The following GREP1 variants were observed in gnomAD, a reference collection of about 807,000 sequenced individuals.
GREP1 encodes the protein glycine rich extracellular protein 1.
In GREP1 at chr16:2,996,974, G is replaced by T; in HGVS notation, c.775G>T (p.Gly259Ter). The T allele has an allele frequency of 2.5e-6, 1 of 399,330 alleles. No individual in the cohort carries two copies. Among genetic ancestry groups the T allele is most frequent in the Non-Finnish European group, 4.4e-6 (1 of 226,290 alleles). The allele number at this position is 399,330 out of a possible 1,614,324, so 24.7% of individuals were successfully genotyped here. Residue 259 changes from glycine to a stop codon, truncating the protein, a stop_gained, in exon 21 of 35, where the codon GGA becomes TGA. Coordinates refer to ENST00000573315, the Ensembl canonical transcript of GREP1. LOFTEE classifies it high-confidence loss of function. ...GGGAGCTCCAAACGGCTATGGACCA[G>T]GAAGGGGCAGGGCTGGGGTTCCAGG...
intron 25 of GREP1, 34 bp downstream of exon 23, chr16:2,998,557 G>T (rs2072440100): frequency 2.5e-6 from 1 of 399,178 alleles, no homozygotes. Flanking sequence ...GGGGGCCCAG[G>T]AGGAAGGGAG....
Position 2,989,793 on chromosome 16 carries a change from G to A in GREP1, c.131-181G>A, listed in dbSNP as rs897056288. 6.6e-6 allele frequency among the ~76,000 whole-genome samples: 1 copy of A among 152,028 alleles called. No homozygotes were observed. Among genetic ancestry groups the A allele is most frequent in the Non-Finnish European group, 1.5e-5 (1 of 67,962 alleles). On this transcript the variant is annotated intron_variant, in intron 3 of 34. Coordinates refer to ENST00000573315, the Ensembl canonical transcript of GREP1. This position sits in a 1 kb window ranked among gnomAD's most constrained non-coding sequence, Gnocchi z 4.2. ...AGAAAGGAAAGAGAGCAGAAAGGAAGGAGAGAGGGAAGGAGGGAGGGAAGG... is the reference window on the plus strand; with the variant it reads ...AGAAAGGAAAGAGAGCAGAAAGGAAAGAGAGAGGGAAGGAGGGAGGGAAGG...
Position 2,994,979 on chromosome 16 carries a change from C to G in GREP1, c.484+17C>G, listed in dbSNP as rs1259076475. ...CCCAGCCAGGTGAAGGGGGTACAGTCTGGGGTTCCAGGGTCTGCATCTGGG... is the reference window on the plus strand; with the variant it reads ...CCCAGCCAGGTGAAGGGGGTACAGTGTGGGGTTCCAGGGTCTGCATCTGGG... On this transcript the variant is annotated intron_variant, in intron 13 of 34. Coordinates refer to ENST00000573315, the Ensembl canonical transcript of GREP1. The G allele has an allele frequency of 7.5e-6, 3 of 399,160 alleles. No homozygotes were observed. Among genetic ancestry groups the G allele is most frequent in the Non-Finnish European group, 1.3e-5 (3 of 226,286 alleles). 24.7% of individuals were successfully genotyped at this position (399,160 alleles called of 1,614,324 possible).
At chr16:3,000,293 T>A (rs1011843944) in exon 30 of GREP1, 17 of 399,080 alleles carry the variant, frequency 4.3e-5, no homozygotes, top group Middle Eastern at 6.2e-4. Context: ...GTCCTGCAGG[T>A]TTAGGTTATG....
At chr16:2,994,495 G>C in intron 10 of GREP1, 1 of 383,354 alleles carries the variant, frequency 2.6e-6, no homozygotes, top group Non-Finnish European at 4.6e-6. Flanking sequence ...GGCAACAAGA[G>C]CGAGACTCCA....
chr16:2,991,463 AG>A lies in GREP1; in HGVS notation c.322+365del. ...GTGAGGGTGGCTGGGCAGGGGCCGC[AG>A]GGAGGGGCGGGCAGGAGGGTTTAGG... On this transcript the variant is annotated intron_variant, in intron 8 of 34. Transcript: ENST00000573315. The surrounding 1 kb of genome is among the most constrained non-coding windows in gnomAD (Gnocchi z 4.9). 1 of 207,892 alleles carries A rather than the reference AG, an allele frequency of 4.8e-6. No individual in the cohort carries two copies. The allele number at this position is 207,892 out of a possible 1,614,324, so 12.9% of individuals were successfully genotyped here. A position where few individuals can be genotyped will look rare whatever the true frequency, so the allele number is the denominator to read the frequency against.
Position 2,990,980 on chromosome 16 carries a change from C to CCTGT in GREP1, c.269-66_269-65insGTCT, listed in dbSNP as rs2072396219. The CCTGT allele has an allele frequency of 7.5e-6, 3 of 399,226 alleles. No individual in the cohort carries two copies. In the East Asian group the frequency reaches 1.1e-4, roughly 14 times the overall value. 24.7% of individuals were successfully genotyped at this position (399,226 alleles called of 1,614,324 possible). ...ACCTGTCCCAGTGTCCACTTCCCAC[C>CCTGT]CTCTGTCTCTGTCTCTGCTTGACGC... On this transcript the variant is annotated intron_variant, in intron 7 of 34. Transcript: ENST00000573315.
rs530106967 is a variant in GREP1 at position 2,992,501 on chromosome 16, G to T, written c.323-304G>T. The T allele has an allele frequency of 1.2e-5, 3 of 243,950 alleles. No homozygotes were observed. The highest frequency in any genetic ancestry group is 6.7e-5 in the African/African-American group (3 of 44,922). The allele number at this position is 243,950 out of a possible 1,614,324, so 15.1% of individuals were successfully genotyped here. A position where few individuals can be genotyped will look rare whatever the true frequency, so the allele number is the denominator to read the frequency against. On this transcript the variant is annotated intron_variant, in intron 8 of 34. Transcript: ENST00000573315. This position sits in a 1 kb window ranked among gnomAD's most constrained non-coding sequence, Gnocchi z 4.9. ...TCAGGGGCCCAGGGCCACACTCTGG[G>T]TCCCAACAGATGGGCTCTTGGGGGT... is the stretch of plus-strand genomic sequence containing the variant.
chr16:2,998,115 GA>G (rs1403485782), intron 23 of GREP1, among the ~76,000 whole-genome samples: 2 of 152,000 alleles, frequency 1.3e-5, no homozygotes, highest in African/African-American at 2.4e-5. Flanking sequence ...TGGCCTGGGA[GA>G]GAGCCAGAAA....
At chr16:2,993,804 A>C (rs966146828) in intron 10 of GREP1, 2 of 152,174 alleles carry the variant, frequency 1.3e-5, no homozygotes, top group Non-Finnish European at 2.9e-5. Flanking sequence ...CTGAAAATAC[A>C]AAAAAATCAG....
At chr16:2,994,771 C>T (rs1484173993) in intron 11 of GREP1, 35 bp from the exon 13 acceptor site, 17 of 399,052 alleles carry the variant, frequency 4.3e-5, no homozygotes, top group Non-Finnish European at 7.1e-5. Flanking sequence ...AGCTGGGGCC[C>T]CAGGTTCCTC....
At chr16:3,001,502 A>AGGGG (rs1219318010) in intron 34 of GREP1, 59 bp from the exon 29 acceptor site, 1 of 398,874 alleles carries the variant, frequency 2.5e-6, no homozygotes, top group East Asian at 3.6e-5. Flanking sequence ...GGAGGGGAGG[A>AGGGG]GGGGGCAAGG....
intron 23 of GREP1, among the ~76,000 whole-genome samples, 176 bp from the exon 22 acceptor site, chr16:2,998,180 C>G (rs932722248): frequency 6.6e-6 from 1 of 152,062 alleles, no homozygotes; most frequent in Non-Finnish European, 1.5e-5. Flanking sequence ...CAAGGTCCCC[C>G]ACTCCAACCC....
chr16:3,001,611 C>A, exon 35 of GREP1: 1 of 399,212 alleles, frequency 2.5e-6, no homozygotes, highest in Middle Eastern at 6.3e-4. Context: ...CTCGCCTGCC[C>A]AGCAAGGAAG....
chr16:3,001,630 T>C (rs1193647678), exon 35 of GREP1: 3 of 399,084 alleles, frequency 7.5e-6, no homozygotes, highest in South Asian at 1.3e-4. Flanking sequence ...AGACAGACCC[T>C]TGGGCTTGGC....
chr16:2,996,728 T>C (rs966936628), intron 20 of GREP1, 23 bp downstream of exon 19: 2 of 398,620 alleles, frequency 5.0e-6, no homozygotes, highest in East Asian at 7.1e-5. Flanking sequence ...CCTGTGTCTG[T>C]GGCCCCACCT....
chr16:2,995,177 C>G, intron 13 of GREP1, 107 bp from the exon 15 acceptor site: 1 of 324,594 alleles, frequency 3.1e-6, no homozygotes, highest in Non-Finnish European at 5.0e-6. Context: ...GGCCCTGGAG[C>G]AGGTCCTGAG....
exon 35 of GREP1, chr16:3,001,945 T>A (rs1231386579): frequency 7.6e-5 from 22 of 291,086 alleles, no homozygotes; most frequent in Admixed American, 4.7e-4. Context: ...GCCTTGTGCA[T>A]GGAAAAGAAC....
rs1440223476 is a variant in GREP1 at position 3,000,386 on chromosome 16, G to A, written c.1327+32G>A. ...GGGGAGCAGGGGTCGGGGTGGGAGA[G>A]TTGGGCTCAGGGCCCCAGCCCAGCC... On this transcript the variant is annotated intron_variant, in intron 30 of 34. Coordinates refer to ENST00000573315, the Ensembl canonical transcript of GREP1. 4 of 399,094 alleles carry A rather than the reference G, an allele frequency of 1.0e-5. No homozygotes were observed. The Admixed American group carries it at 1.8e-4, about 18-fold the overall frequency. The allele number at this position is 399,094 out of a possible 1,614,324, so 24.7% of individuals were successfully genotyped here.
Sources: allele counts gnomAD v4.1 joint callset (sites outside exome capture counted in the v4.1 genomes callset), GRCh38; gene constraint gnomAD v4.1.1; non-coding constraint Gnocchi (gnomAD v3.1); transcripts MANE v1.5; gene names NCBI Gene and HGNC (gene_info 2026-07-23, HGNC 2026-07-21).